The following HMCN2 variants were observed in gnomAD, a reference collection of about 807,000 sequenced individuals.
HMCN2 encodes the protein hemicentin-2.
HMCN2 carries 325 observed loss-of-function variants against 377.5 expected under a neutral mutation model. The observed-to-expected ratio is 0.86, with a 90% CI of 0.79 to 0.94. The LOEUF (loss-of-function observed/expected upper bound fraction) is 0.94. HMCN2 is among the 40% of genes least tolerant of loss of function. The pLI is 0.00. For synonymous variants in HMCN2, 2,007 were observed against 2,046.8 expected (o/e 0.98, Z 0.53); for missense variants, 4,543 against 4,725.3 (o/e 0.96, Z 1.13).
chr9:130,348,352 G>A, intron 26 of HMCN2, 193 bp from the exon 27 acceptor site: 1 of 746,348 alleles, frequency 1.3e-6, no homozygotes, highest in Non-Finnish European at 1.6e-6. Flanking sequence ...ACGACTGGGG[G>A]TGTGTGGGTC....
chr9:130,284,233 C>T (rs1327275119), intron 1 of HMCN2, among the ~76,000 whole-genome samples: 1 of 152,150 alleles, frequency 6.6e-6, no homozygotes, highest in East Asian at 1.9e-4. Flanking sequence ...GTTTCTTTGT[C>T]TTCCCAGAAT....
intron 8 of HMCN2, among the ~76,000 whole-genome samples, chr9:130,300,748 C>T (rs542166780): frequency 1.3e-5 from 2 of 152,310 alleles, no homozygotes; most frequent in African/African-American, 2.4e-5. Context: ...TCTGTTGGTT[C>T]CCGTATGTGT....
Position 130,374,508 on chromosome 9 carries a change from C to T in HMCN2, c.7445C>T (p.Pro2482Leu), listed in dbSNP as rs372515820. Residue 2482 changes from proline to leucine, a missense_variant, in exon 49 of 98, where the codon CCA (proline) becomes CTA (leucine). This residue lies in a region of HMCN2 where 1,032 missense variants were observed against 1,285.1 expected (regional missense o/e 0.80). Transcript: ENST00000683500. ...AHLMCNVTGHPQPKLTWFKDG... is the reference protein window; with the variant it reads ...AHLMCNVTGHLQPKLTWFKDG... Reference sequence around the variant, plus strand: ...TTCTCTGCTCTGCATACAGGCCACCCACAGCCCAAGCTCACATGGTTCAAA... The same window carrying T: ...TTCTCTGCTCTGCATACAGGCCACCTACAGCCCAAGCTCACATGGTTCAAA... 1.0e-6 allele frequency: 1 copy of T among 985,862 alleles called. No homozygotes were observed. Among genetic ancestry groups the T allele is most frequent in the Non-Finnish European group, 1.2e-6 (1 of 829,984 alleles). 61.1% of individuals were successfully genotyped at this position (985,862 alleles called of 1,614,324 possible).
intron 56 of HMCN2, 86 bp downstream of exon 56, chr9:130,382,952 C>A: frequency 2.5e-6 from 2 of 797,100 alleles, no homozygotes; most frequent in Non-Finnish European, 3.0e-6. Context: ...GGGTCATTAT[C>A]TGCAAATGAG....
chr9:130,290,277 C>T (rs1001109572), intron 4 of HMCN2, among the ~76,000 whole-genome samples: 9 of 152,290 alleles, frequency 5.9e-5, no homozygotes, highest in Non-Finnish European at 1.3e-4. Flanking sequence ...GGTCAGCCCC[C>T]CAACTCCCAA....
intron 90 of HMCN2, among the ~76,000 whole-genome samples, chr9:130,426,745 A>G (rs1844398716): frequency 6.8e-6 from 1 of 147,424 alleles, no homozygotes; most frequent in South Asian, 2.2e-4. Context: ...TTAAAACATT[A>G]TGATATTTTT....
chr9:130,361,947 G>T lies in HMCN2; in HGVS notation c.5951-61G>T. 1.0e-6 allele frequency: 1 copy of T among 970,096 alleles called. No homozygotes were observed. The highest frequency in any genetic ancestry group is 1.8e-5 in the African/African-American group (1 of 57,002). 60.1% of individuals were successfully genotyped at this position (970,096 alleles called of 1,614,324 possible). A position where few individuals can be genotyped will look rare whatever the true frequency, so the allele number is the denominator to read the frequency against. ...CTCCTGCAGGGGTGCCCAGCCAGGG[G>T]CCCTGCCTGCTTTGCCCCAGTGGGG... On this transcript the variant is annotated intron_variant, in intron 38 of 97. Transcript: ENST00000683500. The surrounding 1 kb of genome is among the most constrained non-coding windows in gnomAD (Gnocchi z 4.8).
intron 80 of HMCN2, 148 bp from the exon 81 acceptor site, chr9:130,404,721 C>T: frequency 2.3e-6 from 1 of 426,996 alleles, no homozygotes; most frequent in Non-Finnish European, 3.9e-6. Context: ...TCATCCTGAG[C>T]ACGGGCAATG....
chr9:130,293,281 T>TTTTTTTTTTTTTTTTTTTTTA, intron 4 of HMCN2, among the ~76,000 whole-genome samples: 1 of 79,512 alleles, frequency 1.3e-5, no homozygotes, highest in Non-Finnish European at 3.1e-5. Flanking sequence ...TCACTAAAGT[T>TTTTTTTTTTTTTTTTTTTTTA]TTTTTTTTTT....
rs544600659 is a variant in HMCN2, at chr9:130,307,549, G to A, written c.2183G>A (p.Arg728Gln). 3.3e-3 allele frequency: 1,539 copies of A among 471,150 alleles called. 12 individuals are homozygous for A. The highest frequency in any genetic ancestry group is 3.7e-3 in the Non-Finnish European group (849 of 227,048). The allele number at this position is 471,150 out of a possible 1,614,324, so 29.2% of individuals were successfully genotyped here. ...GAGGCATCTGGGGTTCCCCCGCCCC[G>A]AGTCATCTGGTATCGAGGTGTGTTG... ...VCEASGVPPP[R>Q]VIWYRGGLEM... Residue 728 changes from arginine to glutamine, a missense_variant, in exon 14 of 98, where the codon CGA (arginine) becomes CAA (glutamine). Arg to Gln is a conservative substitution (Grantham distance 43). Transcript: ENST00000683500.
rs944400547 is a variant in HMCN2, at chr9:130,306,273, G to A, written c.1958+3G>A. 5.9e-5 allele frequency: 28 copies of A among 471,082 alleles called. 1 individual carries two copies. Among genetic ancestry groups the A allele is most frequent in the Admixed American group, 3.5e-4 (15 of 42,582 alleles). 29.2% of individuals were successfully genotyped at this position (471,082 alleles called of 1,614,324 possible). A position where few individuals can be genotyped will look rare whatever the true frequency, so the allele number is the denominator to read the frequency against. On this transcript the variant is annotated splice_donor_region_variant and intron_variant, in intron 12 of 97. Coordinates refer to ENST00000683500, the MANE Select transcript of HMCN2 (RefSeq NM_001291815.2). ...CAAGCCCTACAAGAGGACAGCAGGTGAGGGGCCCAGGACACAAATCTCAGG... is the reference window on the plus strand; with the variant it reads ...CAAGCCCTACAAGAGGACAGCAGGTAAGGGGCCCAGGACACAAATCTCAGG...
intron 86 of HMCN2, 86 bp downstream of exon 86, chr9:130,419,127 T>G (rs1843849705): frequency 1.5e-6 from 2 of 1,294,400 alleles, no homozygotes; most frequent in Non-Finnish European, 2.0e-6. Flanking sequence ...GGGAGACCTG[T>G]CCCCTGCCTT....
chr9:130,384,577 G>A, intron 58 of HMCN2, 43 bp downstream of exon 58: 3 of 1,303,838 alleles, frequency 2.3e-6, no homozygotes, highest in South Asian at 1.2e-5. Context: ...AGGTTACATG[G>A]GGAGAGAGTT....
At chr9:130,392,167 T>C (rs1360725117) in intron 66 of HMCN2, 49 bp downstream of exon 66, 2 of 980,522 alleles carry the variant, frequency 2.0e-6, no homozygotes, top group African/African-American at 3.5e-5. Context: ...AGAGTGGACA[T>C]GTGGGGATTG....
chr9:130,311,472 G>T (rs1352334955), intron 15 of HMCN2, among the ~76,000 whole-genome samples: 1 of 152,190 alleles, frequency 6.6e-6, no homozygotes, highest in Non-Finnish European at 1.5e-5. Flanking sequence ...GGGGACACAG[G>T]GCAGGTGAGA....
intron 66 of HMCN2, among the ~76,000 whole-genome samples, chr9:130,392,509 T>C (rs1842369643): frequency 6.6e-6 from 1 of 152,072 alleles, no homozygotes; most frequent in African/African-American, 2.4e-5. Context: ...GCCAGTGAGC[T>C]GAGATGACTC....
intron 64 of HMCN2, 26 bp downstream of exon 64, chr9:130,391,389 A>C: frequency 1.0e-6 from 1 of 987,784 alleles, no homozygotes; most frequent in Non-Finnish European, 1.2e-6. Context: ...TGCCCTCCCC[A>C]GAGGCGGTAG....
chr9:130,310,373 A>G (rs1364779472), intron 15 of HMCN2, among the ~76,000 whole-genome samples: 1 of 152,238 alleles, frequency 6.6e-6, no homozygotes, highest in Non-Finnish European at 1.5e-5. Flanking sequence ...ATTGAAATCA[A>G]TATCTTGGCT....
intron 50 of HMCN2, 65 bp downstream of exon 50, chr9:130,375,801 G>C: frequency 1.0e-6 from 1 of 983,154 alleles, no homozygotes; most frequent in Non-Finnish European, 1.2e-6. Flanking sequence ...TGGAGGAGAG[G>C]ACCTGTGAGC....
Sources: allele counts gnomAD v4.1 joint callset (sites outside exome capture counted in the v4.1 genomes callset), GRCh38; gene constraint gnomAD v4.1.1; regional missense constraint gnomAD v4.1.1; non-coding constraint Gnocchi (gnomAD v3.1); transcripts MANE v1.5; gene names NCBI Gene and HGNC (gene_info 2026-07-23, HGNC 2026-07-21).